PPFIBP2: variants seen among roughly 807,000 people sequenced by gnomAD.
The protein encoded by PPFIBP2 is liprin-beta-2.
PPFIBP2 carries 118 observed loss-of-function variants against 118.3 expected under a neutral mutation model. That is an observed-to-expected ratio of 1.00 (90% CI 0.86 to 1.16). The LOEUF (loss-of-function observed/expected upper bound fraction) is 1.16. Ranked by LOEUF, PPFIBP2 falls within the 50% of genes most tolerant of loss-of-function variation. The pLI is 0.00. For synonymous variants in PPFIBP2, 414 were observed against 397.4 expected (o/e 1.04, Z -0.50); for missense variants, 1,195 against 1,073.1 (o/e 1.11, Z -1.59).
chr11:7,620,949 G>C lies in PPFIBP2; in HGVS notation c.633G>C (p.Glu211Asp). ...KQRKAEELLQ[E>D]LRHLKIKVEE... ...TCATCCCCTAGGAGTTACTGCAAGAGCTCAGGCACCTCAAAATCAAAGTGG... is the reference window on the plus strand; with the variant it reads ...TCATCCCCTAGGAGTTACTGCAAGACCTCAGGCACCTCAAAATCAAAGTGG... The change falls in exon 7 of 24, where the codon GAG (glutamate) becomes GAC (aspartate). Residue 211 changes from glutamate to aspartate, a missense_variant. Glu to Asp is a conservative substitution (Grantham distance 45). Transcript: ENST00000299492. 6.2e-7 allele frequency: 1 copy of C among 1,610,670 alleles called. No individual in the cohort carries two copies. The highest frequency in any genetic ancestry group is 8.5e-7 in the Non-Finnish European group (1 of 1,176,882).
chr11:7,539,440 G>C (rs1851550104), intron 1 of PPFIBP2: 1 of 152,506 alleles, frequency 6.6e-6, no homozygotes, highest in African/African-American at 2.4e-5. Flanking sequence ...GTGACCTCTG[G>C]ATGTTATAGG....
In PPFIBP2 at chr11:7,565,550, C is replaced by T. The variant is rs1006792145; in HGVS notation, c.65-3C>T. The T allele has an allele frequency of 6.2e-7, 1 of 1,614,150 alleles. No homozygotes were observed. Among genetic ancestry groups the T allele is most frequent in the Non-Finnish European group, 8.5e-7 (1 of 1,179,982 alleles). ...CTGAGTTTTCACCTCTCTCTCATTG[C>T]AGGCACTAAAACAGGTGCAGATCTT... is the stretch of plus-strand genomic sequence containing the variant. On this transcript the variant is annotated splice_polypyrimidine_tract_variant and splice_region_variant and intron_variant, in intron 2 of 23. Transcript: ENST00000299492.
At chr11:7,517,284 G>A (rs1849310712) in intron 1 of PPFIBP2, among the ~76,000 whole-genome samples, 1 of 152,182 alleles carries the variant, frequency 6.6e-6, no homozygotes, top group African/African-American at 2.4e-5. Context: ...GGTGGTGCCT[G>A]GGAGGAGCAG....
chr11:7,656,482 T>TA (rs1410647473), downstream of PPFIBP2, among the ~76,000 whole-genome samples: 1 of 152,232 alleles, frequency 6.6e-6, no homozygotes, highest in Non-Finnish European at 1.5e-5. Flanking sequence ...CACTTGCCCT[T>TA]ATGATCTAGG....
intron 3 of PPFIBP2, among the ~76,000 whole-genome samples, chr11:7,589,935 T>C (rs1273919033): frequency 1.3e-5 from 2 of 151,940 alleles, no homozygotes; most frequent in African/African-American, 2.4e-5. Flanking sequence ...CTCAGTCTTT[T>C]AAAATATTTT....
chr11:7,648,961 GTA>G, intron 19 of PPFIBP2, 50 bp downstream of exon 19: 1 of 1,530,178 alleles, frequency 6.5e-7, no homozygotes, highest in Non-Finnish European at 9.0e-7. Flanking sequence ...GCAACTAAGA[GTA>G]GAAAGAATTT....
chr11:7,658,075 T>A (rs952153607), downstream of PPFIBP2, among the ~76,000 whole-genome samples: 5 of 152,196 alleles, frequency 3.3e-5, no homozygotes, highest in Admixed American at 6.5e-5. Context: ...TACAGACCAG[T>A]TTCAAACAAG....
At chr11:7,593,037 C>A (rs1565019355) in intron 3 of PPFIBP2, 95 bp from the exon 4 acceptor site, 1 of 1,504,322 alleles carries the variant, frequency 6.6e-7, no homozygotes, top group Non-Finnish European at 8.9e-7. Context: ...GTGAAACTAT[C>A]CTCACAAATT....
At chr11:7,563,241 T>C (rs1449678127) in intron 2 of PPFIBP2, among the ~76,000 whole-genome samples, 1 of 152,140 alleles carries the variant, frequency 6.6e-6, no homozygotes, top group African/African-American at 2.4e-5. Context: ...TTAAAATTCA[T>C]GTGTACAGAA....
intron 5 of PPFIBP2, among the ~76,000 whole-genome samples, chr11:7,600,175 G>A (rs1861171629): frequency 6.6e-6 from 1 of 152,212 alleles, no homozygotes; most frequent in Admixed American, 6.5e-5. Flanking sequence ...AATGATAGCA[G>A]TGTGCAGTGC....
intron 2 of PPFIBP2, among the ~76,000 whole-genome samples, chr11:7,558,152 A>C (rs1193584200): frequency 6.6e-6 from 1 of 152,246 alleles, no homozygotes; most frequent in Non-Finnish European, 1.5e-5. Context: ...ACACATTGCA[A>C]GTTCCCTGAG....
chr11:7,597,964 C>G (rs139820842), intron 5 of PPFIBP2: 55 of 311,254 alleles, frequency 1.8e-4, no homozygotes, highest in Non-Finnish European at 3.2e-4. Context: ...AGGGAGCGCT[C>G]GGCTGGGGGC....
chr11:7,604,705 A>G (rs190460331), intron 5 of PPFIBP2, among the ~76,000 whole-genome samples: 152 of 152,314 alleles, frequency 1.0e-3, no homozygotes, highest in Non-Finnish European at 1.8e-3. Context: ...CAGAAATTTG[A>G]TCATGTTTAT....
chr11:7,521,914 T>C (rs1590099965), intron 1 of PPFIBP2, among the ~76,000 whole-genome samples: 1 of 151,996 alleles, frequency 6.6e-6, no homozygotes, highest in South Asian at 2.1e-4. Context: ...GGGGGTTGGG[T>C]GGACACTGGG....
chr11:7,575,653 G>A (rs1856218826), intron 3 of PPFIBP2, among the ~76,000 whole-genome samples: 1 of 152,228 alleles, frequency 6.6e-6, no homozygotes, highest in Non-Finnish European at 1.5e-5. Context: ...CCCAGGGCAT[G>A]AAGTTTTTCA....
chr11:7,621,052 GGA>G (rs1565072608), intron 7 of PPFIBP2, 25 bp downstream of exon 7: 1 of 1,546,464 alleles, frequency 6.5e-7, no homozygotes, highest in Middle Eastern at 1.7e-4. Context: ...TGATGCTTAT[GGA>G]GAGAGTATGA....
intron 4 of PPFIBP2, among the ~76,000 whole-genome samples, chr11:7,596,389 G>GT (rs58915783): frequency 0.039 from 5,398 of 139,166 alleles, 90 homozygotes; most frequent in African/African-American, 0.045. Flanking sequence ...GCCCGTTCTT[G>GT]TTTTTTTTTT....
chr11:7,576,196 G>A (rs1294520785), intron 3 of PPFIBP2, among the ~76,000 whole-genome samples: 1 of 152,256 alleles, frequency 6.6e-6, no homozygotes, highest in Non-Finnish European at 1.5e-5. Flanking sequence ...AGGGAACTGG[G>A]AAGGCCCAGG....
rs146379337 is a variant in PPFIBP2 at position 7,555,291 on chromosome 11, A to G, written c.64+5752A>G. Among the ~76,000 whole-genome samples, 571 of 152,322 alleles carry G rather than the reference A, an allele frequency of 3.7e-3. 5 individuals are homozygous for G. The highest frequency in any genetic ancestry group is 0.013 in the African/African-American group (554 of 41,576). On this transcript the variant is annotated intron_variant, in intron 2 of 23. Transcript: ENST00000299492. ...AGTACTCACTGAGGAGGAATAGTTA[A>G]GAGGAGTCTGTTTTATGACAGTTAA...
Sources: allele counts gnomAD v4.1 joint callset (sites outside exome capture counted in the v4.1 genomes callset), GRCh38; gene constraint gnomAD v4.1.1; transcripts MANE v1.5; gene names NCBI Gene and HGNC (gene_info 2026-07-23, HGNC 2026-07-21).